NET1: variants seen among roughly 807,000 people sequenced by gnomAD.
NET1 encodes the protein neuroepithelial cell-transforming gene 1 protein.
NET1 carries 42 observed loss-of-function variants against 61.1 expected under a neutral mutation model. The observed-to-expected ratio is 0.69, with a 90% confidence interval of 0.54 to 0.89. The LOEUF (loss-of-function observed/expected upper bound fraction) is 0.89. NET1 is among the 40% of genes least tolerant of loss of function. The pLI, the probability that NET1 is intolerant of heterozygous loss-of-function variation, is 0.00. For missense variants in NET1, 654 were observed against 747.3 expected (o/e 0.88, Z 1.46); for synonymous variants, 254 against 281.8 (o/e 0.90, Z 0.99).
Position 5,431,427 on chromosome 10 carries a change from A to G in NET1, c.255+2198A>G, listed in dbSNP as rs1832347292. On this transcript the variant is annotated intron_variant, in intron 3 of 11. Coordinates refer to ENST00000355029, the MANE Select transcript of NET1 (RefSeq NM_001047160.3). The surrounding 1 kb of genome is among the most constrained non-coding windows in gnomAD (Gnocchi z 4.9). ...GGGCCATGTACTTACCTCAAAAAGT[A>G]TGTAATGCCTTTCTGTGATGCTCTC... Among the ~76,000 whole-genome samples the G allele has an allele frequency of 6.6e-6, 1 of 151,722 alleles. No homozygotes were observed. Among genetic ancestry groups the G allele is most frequent in the Non-Finnish European group, 1.5e-5 (1 of 67,978 alleles).
chr10:5,425,728 T>C (rs1832248835), intron 1 of NET1, among the ~76,000 whole-genome samples: 1 of 152,234 alleles, frequency 6.6e-6, no homozygotes, highest in African/African-American at 2.4e-5. Flanking sequence ...TCTGTCAAGA[T>C]GCAAATGACG....
At chr10:5,430,703 A>C (rs1056708825) in intron 3 of NET1, among the ~76,000 whole-genome samples, 1 of 152,100 alleles carries the variant, frequency 6.6e-6, no homozygotes, top group Non-Finnish European at 1.5e-5. Flanking sequence ...TTTCTACAAA[A>C]CAGTACAAAT....
chr10:5,434,275 C>G (rs919432256), intron 3 of NET1, among the ~76,000 whole-genome samples: 7 of 152,192 alleles, frequency 4.6e-5, no homozygotes, highest in Non-Finnish European at 1.0e-4. Flanking sequence ...CTCCCTTTCT[C>G]TTTTATCTGG....
At chr10:5,429,857 T>C (rs183053118) in intron 3 of NET1, among the ~76,000 whole-genome samples, 2 of 151,866 alleles carry the variant, frequency 1.3e-5, no homozygotes, top group African/African-American at 4.8e-5. Context: ...TACTGTAGCA[T>C]CTTGGTTTTG....
chr10:5,438,589 G>A (rs903703725), intron 3 of NET1, among the ~76,000 whole-genome samples: 5 of 152,174 alleles, frequency 3.3e-5, no homozygotes, highest in Non-Finnish European at 5.9e-5. Flanking sequence ...GATTGACTCT[G>A]TAATCAAAAA....
chr10:5,425,049 G>T (rs1832238091), intron 1 of NET1, among the ~76,000 whole-genome samples: 1 of 152,166 alleles, frequency 6.6e-6, no homozygotes, highest in Admixed American at 6.5e-5. Context: ...TGATGCTTTA[G>T]CCCGTCCTTA....
Position 5,453,770 on chromosome 10 carries a change from G to A in NET1, c.768+210G>A, listed in dbSNP as rs1832748950. Among the ~76,000 whole-genome samples the A allele has an allele frequency of 6.6e-6, 1 of 151,706 alleles. No individual in the cohort carries two copies. The highest frequency in any genetic ancestry group is 2.1e-4 in the South Asian group (1 of 4,822). On this transcript the variant is annotated intron_variant, in intron 8 of 11. Coordinates refer to ENST00000355029, the MANE Select transcript of NET1 (RefSeq NM_001047160.3). This position sits in a 1 kb window ranked among gnomAD's most constrained non-coding sequence, Gnocchi z 4.9. The stretch of plus-strand genomic sequence containing the variant: ...TCATTAATGCTATAGGTTCATTTGT[G>A]TTACAAATACGTTCCTGCTTGGATA...
At chr10:5,413,197 CTCAG>C (rs1832031100) in intron 1 of NET1, among the ~76,000 whole-genome samples, 1 of 152,136 alleles carries the variant, frequency 6.6e-6, no homozygotes. Context: ...CTGACTGTTT[CTCAG>C]GGGAGACTTA....
chr10:5,457,214 T>C lies in NET1; in HGVS notation c.*220T>C, dbSNP rs909292526. On this transcript the variant is annotated 3_prime_UTR_variant, in exon 12 of 12. Transcript: ENST00000355029. The surrounding 1 kb of genome is among the most constrained non-coding windows in gnomAD (Gnocchi z 5.4). The stretch of plus-strand genomic sequence containing the variant: ...TTTTTAAAGATATTTTCTTGAATTA[T>C]TTAGAACATGGTAAGCCTGGTATTT... 4.1e-5 allele frequency: 15 copies of C among 362,548 alleles called. 1 individual carries two copies. The highest frequency in any genetic ancestry group is 2.1e-4 in the African/African-American group (10 of 47,906). 22.5% of individuals were successfully genotyped at this position (362,548 alleles called of 1,614,324 possible).
At position 5,422,017 on chromosome 10, in the gene NET1, A is replaced by G. The variant is rs1167436784; in HGVS notation, c.129-4638A>G. 2.0e-5 allele frequency among the ~76,000 whole-genome samples: 3 copies of G among 152,134 alleles called. No individual in the cohort carries two copies. In the East Asian group the frequency reaches 5.8e-4, roughly 29 times the overall value. The stretch of plus-strand genomic sequence containing the variant: ...GATTTGTTTCCAGTTTGGTGCTTTT[A>G]TGGATAATGCTGCTATGAACATTTG... On this transcript the variant is annotated intron_variant, in intron 1 of 11. Coordinates refer to ENST00000355029, the MANE Select transcript of NET1 (RefSeq NM_001047160.3). This position sits in a 1 kb window ranked among gnomAD's most constrained non-coding sequence, Gnocchi z 4.1.
intron 3 of NET1, among the ~76,000 whole-genome samples, chr10:5,438,969 C>T (rs181153796): frequency 1.4e-4 from 21 of 152,346 alleles, no homozygotes; most frequent in Non-Finnish European, 3.1e-4. Context: ...CAACGTAAAT[C>T]ACTAGCACCT....
rs562289517 is a variant in NET1, at chr10:5,417,385, A to G, written c.128+4565A>G. Among the ~76,000 whole-genome samples, 1 of 152,268 alleles carries G rather than the reference A, an allele frequency of 6.6e-6. No individual in the cohort carries two copies. Among genetic ancestry groups the G allele is most frequent in the South Asian group, 2.1e-4 (1 of 4,822 alleles). ...TATCCTCACTTAGGTCCGTGGGCCC[A>G]GGCCTGGGGATGGAGCCCTAGCAAG... On this transcript the variant is annotated intron_variant, in intron 1 of 11. Transcript: ENST00000355029. This position sits in a 1 kb window ranked among gnomAD's most constrained non-coding sequence, Gnocchi z 5.5.
intron 3 of NET1, among the ~76,000 whole-genome samples, chr10:5,445,744 A>G (rs1356963272): frequency 6.6e-6 from 1 of 152,210 alleles, no homozygotes; most frequent in African/African-American, 2.4e-5. Flanking sequence ...CACTGTCATT[A>G]TTGTCACTTC....
intron 3 of NET1, among the ~76,000 whole-genome samples, chr10:5,442,877 TAA>T (rs11377037): frequency 7.1e-6 from 1 of 141,580 alleles, no homozygotes; most frequent in Non-Finnish European, 1.5e-5. Context: ...ACCCTGTCTT[TAA>T]AAAAAAAAAA....
Position 5,446,940 on chromosome 10 carries a change from C to CAGTA in NET1, c.256-4889_256-4886dup. ...TTTAAAATTTTTAACAAGGTATTAA[C>CAGTA]AGTATAATTTTAAACTTTTGATCTT... On this transcript the variant is annotated intron_variant, in intron 3 of 11. Transcript: ENST00000355029. This position sits in a 1 kb window ranked among gnomAD's most constrained non-coding sequence, Gnocchi z 5.0. 1.8e-6 allele frequency: 2 copies of CAGTA among 1,107,180 alleles called. No individual in the cohort carries two copies. The highest frequency in any genetic ancestry group is 2.6e-6 in the Non-Finnish European group (2 of 781,284). The allele number at this position is 1,107,180 out of a possible 1,614,324, so 68.6% of individuals were successfully genotyped here.
Position 5,446,852 on chromosome 10 carries a change from A to G in NET1, c.256-4978A>G. 1 of 1,607,726 alleles carries G rather than the reference A, an allele frequency of 6.2e-7. No individual in the cohort carries two copies. The highest frequency in any genetic ancestry group is 1.1e-5 in the South Asian group (1 of 89,720). ...ATGTCAATAACCAGTCCTTCAGAGA[A>G]CAAGAGGTAAGACTTTAAGAGAAAC... On this transcript the variant is annotated intron_variant, in intron 3 of 11. Coordinates refer to ENST00000355029, the MANE Select transcript of NET1 (RefSeq NM_001047160.3). The surrounding 1 kb of genome is among the most constrained non-coding windows in gnomAD (Gnocchi z 5.0).
At position 5,427,741 on chromosome 10, in the gene NET1, G is replaced by A. The variant is rs1832280150; in HGVS notation, c.195+1020G>A. 6.6e-6 allele frequency among the ~76,000 whole-genome samples: 1 copy of A among 152,156 alleles called. No homozygotes were observed. The highest frequency in any genetic ancestry group is 2.1e-4 in the South Asian group (1 of 4,824). On this transcript the variant is annotated intron_variant, in intron 2 of 11. Transcript: ENST00000355029. The surrounding 1 kb of genome is among the most constrained non-coding windows in gnomAD (Gnocchi z 4.1). ...GTCTTTTAGCTCAATTCAAAACAGT[G>A]TGTTATAATTTTGCTCTGCTGCTTT...
Position 5,426,844 on chromosome 10 carries a change from T to A in NET1, c.195+123T>A. The A allele has an allele frequency of 3.5e-6, 2 of 571,430 alleles. No individual in the cohort carries two copies. Among genetic ancestry groups the A allele is most frequent in the Non-Finnish European group, 5.8e-6 (2 of 343,980 alleles). The allele number at this position is 571,430 out of a possible 1,614,324, so 35.4% of individuals were successfully genotyped here. A position where few individuals can be genotyped will look rare whatever the true frequency, so the allele number is the denominator to read the frequency against. On this transcript the variant is annotated intron_variant, in intron 2 of 11. Transcript: ENST00000355029. The surrounding 1 kb of genome is among the most constrained non-coding windows in gnomAD (Gnocchi z 4.6). The stretch of plus-strand genomic sequence containing the variant: ...AGGGTCTTGAGGAACAGAATTCCTG[T>A]AACCATCTTTGGCAGCCTAATTTAG...
Position 5,447,985 on chromosome 10 carries a change from C to T in NET1, c.256-3845C>T, listed in dbSNP as rs550286010. Among the ~76,000 whole-genome samples the T allele has an allele frequency of 4.7e-4, 71 of 152,268 alleles. No homozygotes were observed. In the South Asian group the frequency reaches 6.4e-3, roughly 14 times the overall value. ...GTTACAAGCACTAGGAATGTTGTCA[C>T]GGTTTTAGATCTAGTGACACAGCTC... is the stretch of plus-strand genomic sequence containing the variant. On this transcript the variant is annotated intron_variant, in intron 3 of 11. Coordinates refer to ENST00000355029, the MANE Select transcript of NET1 (RefSeq NM_001047160.3). This position sits in a 1 kb window ranked among gnomAD's most constrained non-coding sequence, Gnocchi z 4.1.
Sources: gnomAD v4.1 joint callset for allele counts (sites outside exome capture counted in the v4.1 genomes callset) on GRCh38, gnomAD v4.1.1 for gene constraint, Gnocchi (gnomAD v3.1) non-coding constraint, MANE v1.5 for transcripts, NCBI Gene and HGNC (gene_info 2026-07-23, HGNC 2026-07-21) for gene names.